KLF8: variants seen among roughly 807,000 people sequenced by gnomAD.
KLF8 encodes the protein KLF transcription factor 8.
In KLF8, 10 loss-of-function variants were observed where a neutral mutation model predicts 18.2. The ratio of observed to expected loss-of-function variants is 0.55; its 90% CI spans 0.34 to 0.93. The LOEUF (loss-of-function observed/expected upper bound fraction) is 0.93, where lower values mean the gene tolerates loss of function less well. Among genes scored for constraint, KLF8 ranks in the 40% least tolerant of loss-of-function variants. The pLI, the probability that KLF8 is intolerant of heterozygous loss-of-function variation, is 0.02. For synonymous variants in KLF8, 109 were observed against 97.3 expected (o/e 1.12, Z -0.71); for missense variants, 264 against 277.9 (o/e 0.95, Z 0.36).
At chrX:56,080,148 A>G in the KLF8 span, among the ~76,000 whole-genome samples, 1 of 110,368 alleles carries the variant, frequency 9.1e-6, no homozygotes, top group African/African-American at 3.3e-5. Context: ...GTCCATTTCC[A>G]TTTAAAGTTA....
At chrX:56,202,397 C>A in the KLF8 span, among the ~76,000 whole-genome samples, 1 of 110,949 alleles carries the variant, frequency 9.0e-6, no homozygotes, top group East Asian at 2.8e-4. Context: ...AGGTATCCAT[C>A]CTCTCAAACA....
chrX:56,082,870 G>A, the KLF8 span, among the ~76,000 whole-genome samples: 9,034 of 110,854 alleles, frequency 0.081, 903 homozygotes, highest in African/African-American at 0.28. Context: ...CTGTCTTCTC[G>A]CCTCCATATT....
At chrX:56,104,611 C>A in the KLF8 span, among the ~76,000 whole-genome samples, 1 of 111,095 alleles carries the variant, frequency 9.0e-6, no homozygotes, top group East Asian at 2.8e-4. Context: ...CTCTTTTATT[C>A]TTTTTTAGTC....
chrX:56,032,453 C>A, the KLF8 span, among the ~76,000 whole-genome samples: 1 of 111,798 alleles, frequency 8.9e-6, no homozygotes, highest in Non-Finnish European at 1.9e-5. Context: ...TTTCTGTCAC[C>A]TGAAAAGGCT....
chrX:56,222,034 C>T, the KLF8 span, among the ~76,000 whole-genome samples: 1 of 111,190 alleles, frequency 9.0e-6, no homozygotes, highest in Non-Finnish European at 1.9e-5. Flanking sequence ...TCCACCTCCC[C>T]ACTAGATTAG....
At chrX:56,207,567 C>T in the KLF8 span, among the ~76,000 whole-genome samples, 2 of 111,661 alleles carry the variant, frequency 1.8e-5, no homozygotes, top group Non-Finnish European at 1.9e-5. Context: ...TTTGCTAAAG[C>T]ATAACAAGAG....
At chrX:56,227,743 A>G (rs986177203), upstream of KLF8, among the ~76,000 whole-genome samples, 3 of 111,175 alleles carry the variant, frequency 2.7e-5, no homozygotes, top group African/African-American at 6.6e-5. Flanking sequence ...CTGCAGGTGC[A>G]GTTTTTCTGG....
the KLF8 span, among the ~76,000 whole-genome samples, chrX:56,138,837 A>G: frequency 9.0e-6 from 1 of 111,515 alleles, no homozygotes; most frequent in Non-Finnish European, 1.9e-5. Flanking sequence ...CAAGAAAAAG[A>G]GAAAAAAGTG....
At chrX:55,941,424 A>G in the KLF8 span, among the ~76,000 whole-genome samples, 1 of 111,878 alleles carries the variant, frequency 8.9e-6, no homozygotes, top group South Asian at 3.7e-4. Context: ...ACCCTAGAAG[A>G]AAACCTAGGC....
chrX:55,969,655 G>A, the KLF8 span, among the ~76,000 whole-genome samples: 1 of 111,490 alleles, frequency 9.0e-6, no homozygotes, highest in South Asian at 3.7e-4. Context: ...ACAAAAAGTT[G>A]TGGTTTTTTA....
the KLF8 span, among the ~76,000 whole-genome samples, chrX:56,169,929 A>G: frequency 9.0e-6 from 1 of 111,562 alleles, no homozygotes; most frequent in Admixed American, 9.6e-5. Context: ...GCACAGTCTC[A>G]GTGGTGGTGA....
the KLF8 span, among the ~76,000 whole-genome samples, chrX:56,043,347 T>C: frequency 9.0e-6 from 1 of 110,781 alleles, no homozygotes; most frequent in South Asian, 3.9e-4. Context: ...TTCTTGAATG[T>C]GAATGTTTGC....
Position 56,285,093 on chromosome X carries a change from T to C in KLF8, c.*599T>C, listed in dbSNP as rs964961014. On this transcript the variant is annotated 3_prime_UTR_variant, in exon 6 of 6. Transcript: ENST00000468660. ...TTAATAAATCTAATCCTATTTCTTC[T>C]TAAAGTTTGGTTTTCAGACAGTGCT... The C allele has an allele frequency of 1.8e-5, 2 of 112,010 alleles. No homozygotes were observed. Among genetic ancestry groups the C allele is most frequent in the African/African-American group, 6.5e-5 (2 of 30,832 alleles). 9.2% of individuals were successfully genotyped at this position (112,010 alleles called of 1,213,427 possible).
At chrX:56,259,978 T>C (rs2066862357) in intron 2 of KLF8, among the ~76,000 whole-genome samples, 1 of 111,243 alleles carries the variant, frequency 9.0e-6, no homozygotes, top group Non-Finnish European at 1.9e-5. Context: ...AATCAAGTTA[T>C]TGTCAGGGTC....
chrX:56,165,858 C>CA, the KLF8 span, among the ~76,000 whole-genome samples: 5,160 of 62,579 alleles, frequency 0.082, 364 homozygotes, highest in African/African-American at 0.25. Flanking sequence ...GACCCTGTCT[C>CA]AAAAAAAAAA....
At chrX:56,220,611 G>A in the KLF8 span, among the ~76,000 whole-genome samples, 2 of 110,323 alleles carry the variant, frequency 1.8e-5, no homozygotes, top group African/African-American at 3.3e-5. Flanking sequence ...TCAGCCTCCC[G>A]AGTAGTTGGG....
chrX:56,235,790 A>G (rs1249804252), intron 1 of KLF8, among the ~76,000 whole-genome samples: 2 of 111,779 alleles, frequency 1.8e-5, no homozygotes, highest in Non-Finnish European at 3.8e-5. Flanking sequence ...CTCATCTCTA[A>G]AATGACATGA....
At chrX:56,251,713 G>A (rs1273620468) in intron 2 of KLF8, among the ~76,000 whole-genome samples, 4 of 110,346 alleles carry the variant, frequency 3.6e-5, no homozygotes, top group African/African-American at 9.9e-5. Flanking sequence ...CGCCCACCTC[G>A]GCCTCCCAAA....
chrX:55,967,694 A>G, the KLF8 span, among the ~76,000 whole-genome samples: 5 of 111,875 alleles, frequency 4.5e-5, no homozygotes, highest in African/African-American at 1.6e-4. Context: ...GGGTAATAGT[A>G]AGTCCATAGA....
Sources: gnomAD v4.1 joint callset for allele counts (sites outside exome capture counted in the v4.1 genomes callset) on GRCh38, gnomAD v4.1.1 for gene constraint, MANE v1.5 for transcripts, NCBI Gene and HGNC (gene_info 2026-07-23, HGNC 2026-07-21) for gene names.